The following GUCY1A2 variants were observed in gnomAD, a reference collection of about 807,000 sequenced individuals.
GUCY1A2 encodes the protein guanylate cyclase 1 soluble subunit alpha 2.
A neutral mutation model predicts 63.5 loss-of-function variants in GUCY1A2; 27 were observed. The ratio of observed to expected loss-of-function variants is 0.43; its 90% CI spans 0.31 to 0.59. The LOEUF (loss-of-function observed/expected upper bound fraction) is 0.59. Ranked by LOEUF, GUCY1A2 falls within the 20% of genes least tolerant of loss-of-function variation. The pLI, the probability that GUCY1A2 is intolerant of heterozygous loss-of-function variation, is 0.11. For synonymous variants in GUCY1A2, 364 were observed against 343.5 expected (o/e 1.06, Z -0.66); for missense variants, 768 against 913.3 (o/e 0.84, Z 2.05).
intron 4 of GUCY1A2, among the ~76,000 whole-genome samples, chr11:106,928,239 C>CA (rs1284667931): frequency 1.3e-5 from 2 of 151,902 alleles, no homozygotes; most frequent in East Asian, 3.9e-4. Context: ...GTTCAATGGC[C>CA]AAAAAAGAGT....
intron 7 of GUCY1A2, among the ~76,000 whole-genome samples, chr11:106,701,480 G>T (rs1362121769): frequency 6.6e-6 from 1 of 152,070 alleles, no homozygotes; most frequent in African/African-American, 2.4e-5. Context: ...ATTCCACTTT[G>T]CTCCCCACTG....
intron 1 of GUCY1A2, among the ~76,000 whole-genome samples, chr11:106,987,548 A>T (rs1861417799): frequency 6.6e-6 from 1 of 151,084 alleles, no homozygotes; most frequent in South Asian, 2.1e-4. Context: ...GCTGCCTGGG[A>T]GGCTGAGGCA....
intron 1 of GUCY1A2, among the ~76,000 whole-genome samples, chr11:107,016,834 G>A (rs759851650): frequency 8.5e-5 from 13 of 152,064 alleles, no homozygotes; most frequent in African/African-American, 2.4e-4. Context: ...ATGTGAGAGA[G>A]AAAGCACTAG....
intron 1 of GUCY1A2, among the ~76,000 whole-genome samples, chr11:107,009,436 A>T (rs1308112893): frequency 6.6e-6 from 1 of 152,206 alleles, no homozygotes; most frequent in Non-Finnish European, 1.5e-5. Flanking sequence ...TGATAATGTC[A>T]AATTCACCCT....
intron 6 of GUCY1A2, among the ~76,000 whole-genome samples, chr11:106,729,955 T>C (rs747419137): frequency 2.4e-4 from 36 of 150,380 alleles, no homozygotes; most frequent in Non-Finnish European, 5.3e-4. Context: ...GAATGAAAAA[T>C]TAGAGTCTAT....
At position 106,956,215 on chromosome 11, in the gene GUCY1A2, T is replaced by C. The variant is rs138313380; in HGVS notation, c.488-16037A>G. On this transcript the variant is annotated intron_variant, in intron 3 of 7. Transcript: ENST00000526355. ...ATCAAGTTTCTTAGCTTCGTTGCAT[T>C]GGGTTAGAACAAGCTCCTTTAGCTC... is the stretch of plus-strand genomic sequence containing the variant. Among the ~76,000 whole-genome samples the C allele has an allele frequency of 6.9e-3, 1,045 of 152,076 alleles. 12 individuals carry two copies. The highest frequency in any genetic ancestry group is 0.024 in the African/African-American group (981 of 41,474).
intron 4 of GUCY1A2, among the ~76,000 whole-genome samples, chr11:106,823,390 C>T (rs11822118): frequency 0.024 from 3,710 of 152,204 alleles, 148 homozygotes; most frequent in African/African-American, 0.083. Flanking sequence ...ATAATGGCCT[C>T]CAGGTCCATC....
At chr11:106,816,959 GT>G (rs1485386040) in intron 4 of GUCY1A2, among the ~76,000 whole-genome samples, 1 of 151,500 alleles carries the variant, frequency 6.6e-6, no homozygotes, top group African/African-American at 2.4e-5. Flanking sequence ...ATAATTTAAA[GT>G]TTTTTGAAAA....
At chr11:106,786,677 C>A (rs909178296) in intron 5 of GUCY1A2, among the ~76,000 whole-genome samples, 4 of 152,122 alleles carry the variant, frequency 2.6e-5, no homozygotes, top group Non-Finnish European at 5.9e-5. Flanking sequence ...TAGATGTGGG[C>A]AATTCAAAAT....
In GUCY1A2 at chr11:106,686,973, T is replaced by C. The variant is rs1370765259; in HGVS notation, c.*576A>G. 4.9e-6 allele frequency: 1 copy of C among 202,974 alleles called. No homozygotes were observed. Among genetic ancestry groups the C allele is most frequent in the Admixed American group, 6.0e-5 (1 of 16,760 alleles). 12.6% of individuals were successfully genotyped at this position (202,974 alleles called of 1,614,324 possible). On this transcript the variant is annotated 3_prime_UTR_variant, in exon 8 of 8. Transcript: ENST00000526355. ...AATACAGAAGCAGATTCTGAAAATCTAATAATGTTGTGCGAAATGTAGTTA... is the reference window on the plus strand; with the variant it reads ...AATACAGAAGCAGATTCTGAAAATCCAATAATGTTGTGCGAAATGTAGTTA...
chr11:106,972,459 C>T (rs1186470995), intron 3 of GUCY1A2, among the ~76,000 whole-genome samples: 3 of 152,060 alleles, frequency 2.0e-5, no homozygotes, highest in African/African-American at 7.2e-5. Flanking sequence ...ATTTAGGAAT[C>T]TGAAGGGTTG....
At chr11:106,740,847 AC>A (rs1591256985) in intron 6 of GUCY1A2, among the ~76,000 whole-genome samples, 2 of 151,934 alleles carry the variant, frequency 1.3e-5, no homozygotes, top group African/African-American at 2.4e-5. Flanking sequence ...CTAATTTTGC[AC>A]GTTTAGTAGA....
chr11:106,939,159 T>C (rs1860717391), intron 4 of GUCY1A2, among the ~76,000 whole-genome samples: 2 of 152,216 alleles, frequency 1.3e-5, no homozygotes, highest in Non-Finnish European at 2.9e-5. Context: ...AGTGGAAATA[T>C]TCATGTGTTT....
chr11:106,692,233 A>G (rs1400587744), intron 7 of GUCY1A2, among the ~76,000 whole-genome samples: 1 of 152,134 alleles, frequency 6.6e-6, no homozygotes, highest in Non-Finnish European at 1.5e-5. Context: ...ATTAATCCCC[A>G]GCTGTAATCC....
At chr11:106,794,586 T>A (rs955011427) in intron 5 of GUCY1A2, among the ~76,000 whole-genome samples, 1 of 152,122 alleles carries the variant, frequency 6.6e-6, no homozygotes, top group Non-Finnish European at 1.5e-5. Flanking sequence ...ATAATCATTA[T>A]ACAATCTATG....
At chr11:106,897,985 C>A (rs1860075011) in intron 4 of GUCY1A2, among the ~76,000 whole-genome samples, 1 of 151,992 alleles carries the variant, frequency 6.6e-6, no homozygotes, top group African/African-American at 2.4e-5. Flanking sequence ...AGACAAATAA[C>A]CCTTAAAACT....
At chr11:106,887,679 C>A (rs893194322) in intron 4 of GUCY1A2, among the ~76,000 whole-genome samples, 5 of 152,102 alleles carry the variant, frequency 3.3e-5, no homozygotes, top group African/African-American at 4.8e-5. Context: ...ATCATGGCTA[C>A]CCAACAATCA....
At chr11:106,739,664 TTA>T (rs1462432618) in intron 6 of GUCY1A2, among the ~76,000 whole-genome samples, 13 of 152,334 alleles carry the variant, frequency 8.5e-5, no homozygotes, top group African/African-American at 2.9e-4. Context: ...TAGTTTCTTA[TTA>T]TCTATAAAAC....
intron 7 of GUCY1A2, among the ~76,000 whole-genome samples, chr11:106,705,990 A>G (rs1234058730): frequency 1.3e-5 from 2 of 152,208 alleles, no homozygotes; most frequent in African/African-American, 4.8e-5. Context: ...CTGAAGCAAA[A>G]TATAAAGTGT....
Sources: gnomAD v4.1 joint callset for allele counts (sites outside exome capture counted in the v4.1 genomes callset) on GRCh38, gnomAD v4.1.1 for gene constraint, MANE v1.5 for transcripts, NCBI Gene and HGNC (gene_info 2026-07-23, HGNC 2026-07-21) for gene names.